The following PTPRT variants were observed in gnomAD, a reference collection of about 807,000 sequenced individuals.
PTPRT encodes protein tyrosine phosphatase receptor type T.
In PTPRT, 56 loss-of-function variants were observed where a neutral mutation model predicts 176.8. The observed-to-expected ratio is 0.32, with a 90% CI of 0.26 to 0.40. The LOEUF (loss-of-function observed/expected upper bound fraction) is 0.40, where lower values mean the gene tolerates loss of function less well. Among genes scored for constraint, PTPRT ranks in the 10% least tolerant of loss-of-function variants. PTPRT has a pLI of 1.00. For missense variants in PTPRT, 1,540 were observed against 1,908.2 expected (o/e 0.81, Z 3.60); for synonymous variants, 783 against 739.0 (o/e 1.06, Z -0.96).
chr20:42,038,558 G>A, the PTPRT span, among the ~76,000 whole-genome samples: 1 of 152,204 alleles, frequency 6.6e-6, no homozygotes, highest in Non-Finnish European at 1.5e-5. Context: ...TCATGGTGAT[G>A]GTGGGCTTAT....
chr20:42,838,924 G>A (rs2078228746), intron 2 of PTPRT, among the ~76,000 whole-genome samples: 1 of 152,130 alleles, frequency 6.6e-6, no homozygotes, highest in African/African-American at 2.4e-5. Context: ...TTGGGATGAT[G>A]AGACTTGAGG....
chr20:42,183,623 T>G (rs1990610698), intron 16 of PTPRT, among the ~76,000 whole-genome samples: 1 of 152,222 alleles, frequency 6.6e-6, no homozygotes, highest in Admixed American at 6.5e-5. Flanking sequence ...CCCACCTCTA[T>G]GCCCCTGTAT....
At chr20:42,093,436 T>C (rs1984847359) in intron 27 of PTPRT, among the ~76,000 whole-genome samples, 1 of 145,804 alleles carries the variant, frequency 6.9e-6, no homozygotes. Context: ...TCATTGATCA[T>C]AATTACCTTT....
At position 42,389,964 on chromosome 20, in the gene PTPRT, G is replaced by A. The variant is rs150528919; in HGVS notation, c.1561-37679C>T. On this transcript the variant is annotated intron_variant, in intron 9 of 30. Transcript: ENST00000373187. ...CCATAAGATGACACAGCAAGAAGGC[G>A]CTAAACTGTGACCTAATAAATTTCT... Among the ~76,000 whole-genome samples, 323 of 152,004 alleles carry A rather than the reference G, an allele frequency of 2.1e-3. 1 individual carries two copies. Among genetic ancestry groups the A allele is most frequent in the Non-Finnish European group, 2.4e-3 (166 of 68,000 alleles).
downstream of PTPRT, among the ~76,000 whole-genome samples, chr20:42,068,486 A>G (rs1568892320): frequency 1.3e-5 from 2 of 152,190 alleles, no homozygotes; most frequent in South Asian, 2.1e-4. Flanking sequence ...TTTCTTCAAG[A>G]TTCTCTCTGC....
chr20:42,367,135 T>C (rs2058525797), intron 9 of PTPRT, among the ~76,000 whole-genome samples: 1 of 152,228 alleles, frequency 6.6e-6, no homozygotes, highest in Non-Finnish European at 1.5e-5. Flanking sequence ...TGATTAACAA[T>C]GTGAACTTGA....
At chr20:43,131,421 C>T (rs1200490703) in intron 1 of PTPRT, among the ~76,000 whole-genome samples, 5 of 152,134 alleles carry the variant, frequency 3.3e-5, no homozygotes, top group Admixed American at 2.0e-4. Context: ...GCTGTTTTCA[C>T]GTTTTGGAAC....
At chr20:42,474,533 G>A (rs6130145) in intron 7 of PTPRT, among the ~76,000 whole-genome samples, 37,845 of 152,066 alleles carry the variant, frequency 0.25, 5,074 homozygotes, top group Middle Eastern at 0.31. Flanking sequence ...ATGCTCACAG[G>A]TCCTTTGGGC....
At chr20:42,755,383 G>T (rs1026496681) in intron 6 of PTPRT, among the ~76,000 whole-genome samples, 1 of 151,994 alleles carries the variant, frequency 6.6e-6, no homozygotes, top group African/African-American at 2.4e-5. Context: ...GATCAGTGGG[G>T]TTTTTTTTGT....
chr20:43,133,604 G>A (rs1199105193), intron 1 of PTPRT, among the ~76,000 whole-genome samples: 9 of 151,992 alleles, frequency 5.9e-5, no homozygotes, highest in African/African-American at 7.3e-5. Flanking sequence ...AACATTAGCC[G>A]GGCATGGTGG....
At chr20:42,462,590 A>G (rs1206875315) in intron 8 of PTPRT, among the ~76,000 whole-genome samples, 2 of 152,196 alleles carry the variant, frequency 1.3e-5, no homozygotes, top group African/African-American at 2.4e-5. Flanking sequence ...CTACAATACT[A>G]GAGGGAATAA....
At chr20:42,191,360 G>T (rs747278871) in intron 16 of PTPRT, among the ~76,000 whole-genome samples, 13 of 152,142 alleles carry the variant, frequency 8.5e-5, no homozygotes, top group Admixed American at 7.2e-4. Flanking sequence ...ATATTTAGAG[G>T]TTAATTAAAA....
chr20:43,167,582 A>G lies in PTPRT; in HGVS notation c.88+22064T>C, dbSNP rs78934704. ...TAGACTAGTGACTAGCTTCTAAGCAACAGAGCATGGTAAAGGTGACGGGAT... is the reference window on the plus strand; with the variant it reads ...TAGACTAGTGACTAGCTTCTAAGCAGCAGAGCATGGTAAAGGTGACGGGAT... On this transcript the variant is annotated intron_variant, in intron 1 of 30. Coordinates refer to ENST00000373187, the MANE Select transcript of PTPRT (RefSeq NM_007050.6). Among the ~76,000 whole-genome samples the G allele has an allele frequency of 3.0e-4, 46 of 152,346 alleles. 1 individual carries two copies. In the East Asian group the frequency reaches 8.3e-3, roughly 27 times the overall value.
chr20:42,238,375 C>T (rs565334536), intron 14 of PTPRT, among the ~76,000 whole-genome samples: 8 of 152,286 alleles, frequency 5.3e-5, no homozygotes, highest in African/African-American at 1.9e-4. Flanking sequence ...GTTCAATATC[C>T]TGGACTGAAA....
intron 7 of PTPRT, among the ~76,000 whole-genome samples, chr20:42,505,411 C>G (rs943130030): frequency 2.0e-5 from 3 of 152,124 alleles, no homozygotes; most frequent in African/African-American, 7.2e-5. Context: ...AAGCAATTCT[C>G]CTGCCTCAGC....
At chr20:42,967,764 G>A (rs117158192) in intron 1 of PTPRT, among the ~76,000 whole-genome samples, 19 of 138,756 alleles carry the variant, frequency 1.4e-4, no homozygotes, top group Non-Finnish European at 2.6e-4. Context: ...TCAAACCATC[G>A]CAGCAGCCTC....
intron 6 of PTPRT, among the ~76,000 whole-genome samples, chr20:42,733,252 G>T (rs914941458): frequency 1.3e-5 from 2 of 152,162 alleles, no homozygotes; most frequent in South Asian, 2.1e-4. Context: ...AGATCACAGC[G>T]GGAGGATGGA....
chr20:42,587,582 T>A (rs1397879534), intron 7 of PTPRT, among the ~76,000 whole-genome samples: 1 of 152,172 alleles, frequency 6.6e-6, no homozygotes, highest in Non-Finnish European at 1.5e-5. Context: ...AGACTCACGC[T>A]GAGTCATGAC....
chr20:42,452,053 G>T (rs1253546526), intron 8 of PTPRT, among the ~76,000 whole-genome samples: 2 of 152,106 alleles, frequency 1.3e-5, no homozygotes, highest in South Asian at 4.1e-4. Flanking sequence ...GGCAGATCAC[G>T]AGATCAAGAG....
Sources: gnomAD v4.1 joint callset for allele counts (sites outside exome capture counted in the v4.1 genomes callset) on GRCh38, gnomAD v4.1.1 for gene constraint, MANE v1.5 for transcripts, NCBI Gene and HGNC (gene_info 2026-07-23, HGNC 2026-07-21) for gene names.